Variants in DIS3L2 observed in about 807,000 individuals in gnomAD.
DIS3L2 encodes the protein DIS3 like 3'-5' exoribonuclease 2.
A neutral mutation model predicts 97.5 loss-of-function variants in DIS3L2; 34 were observed. That is an observed-to-expected ratio of 0.35 (90% CI 0.27 to 0.46). The LOEUF (loss-of-function observed/expected upper bound fraction) is 0.46. Ranked by LOEUF, DIS3L2 falls within the 20% of genes least tolerant of loss-of-function variation. The probability of loss-of-function intolerance (pLI) is 1.00; values close to 1 mark genes in which losing one functional copy is unlikely to be tolerated. For synonymous variants in DIS3L2, 435 were observed against 445.2 expected, an observed-to-expected ratio of 0.98 and a Z score of 0.29; for missense variants, 1,038 against 1,146.0, an observed-to-expected ratio of 0.91 and a Z score of 1.36.
At chr2:232,332,122 G>A (rs1328763314) in intron 16 of DIS3L2, among the ~76,000 whole-genome samples, 1 of 80,862 alleles carries the variant, frequency 1.2e-5, no homozygotes, top group African/African-American at 4.8e-5. Flanking sequence ...CATCCCACCC[G>A]ACCCTGAGCC....
chr2:232,127,641 T>C (rs991892517), intron 6 of DIS3L2, among the ~76,000 whole-genome samples: 3 of 152,204 alleles, frequency 2.0e-5, no homozygotes, highest in African/African-American at 7.2e-5. Flanking sequence ...TGGCTTCTTA[T>C]GTTCTGCAAG....
At chr2:231,984,654 A>G (rs1693361160) in intron 1 of DIS3L2, among the ~76,000 whole-genome samples, 1 of 151,790 alleles carries the variant, frequency 6.6e-6, no homozygotes, top group African/African-American at 2.4e-5. Context: ...CGGCTTCCCA[A>G]AGTGCTGGGA....
intron 1 of DIS3L2, among the ~76,000 whole-genome samples, chr2:231,988,838 T>C (rs910931698): frequency 6.6e-6 from 1 of 152,238 alleles, no homozygotes; most frequent in Admixed American, 6.5e-5. Flanking sequence ...GCTAGATTGA[T>C]GTTAATCTCT....
intron 5 of DIS3L2, among the ~76,000 whole-genome samples, chr2:232,051,579 G>A (rs866800878): frequency 6.6e-6 from 1 of 151,844 alleles, no homozygotes; most frequent in East Asian, 1.9e-4. Flanking sequence ...TTGGGAGGCC[G>A]AGGCGGGCGG....
At chr2:232,049,385 T>G (rs1695337298) in intron 5 of DIS3L2, among the ~76,000 whole-genome samples, 2 of 152,178 alleles carry the variant, frequency 1.3e-5, no homozygotes, top group South Asian at 2.1e-4. Context: ...TAATCTCAAA[T>G]GCACCAGCGT....
chr2:232,193,468 C>CA (rs1691669552), intron 9 of DIS3L2, among the ~76,000 whole-genome samples: 1 of 152,192 alleles, frequency 6.6e-6, no homozygotes, highest in African/African-American at 2.4e-5. Context: ...CAGGGTCTAG[C>CA]ATACATTATG....
chr2:232,322,453 G>A (rs140725476), intron 14 of DIS3L2, among the ~76,000 whole-genome samples: 2 of 152,370 alleles, frequency 1.3e-5, no homozygotes, highest in Non-Finnish European at 2.9e-5. Context: ...ATCTCCCTCT[G>A]TCACCTTAGG....
rs1027552871 is a variant in DIS3L2 at position 232,163,359 on chromosome 2, G to A, written c.951-100G>A. 6.6e-6 allele frequency: 8 copies of A among 1,219,184 alleles called. No individual in the cohort carries two copies. In the African/African-American group the frequency reaches 7.5e-5, roughly 11 times the overall value. The allele number at this position is 1,219,184 out of a possible 1,614,324, so 75.5% of individuals were successfully genotyped here. A position where few individuals can be genotyped will look rare whatever the true frequency, so the allele number is the denominator to read the frequency against. On this transcript the variant is annotated intron_variant, in intron 8 of 20. Transcript: ENST00000325385. ...TGTTTCTACTGGTGGAAGGGCAGGA[G>A]ATTTTAAACTTTCCCACTACTTTAC...
At chr2:232,119,953 G>A (rs1244165495) in intron 6 of DIS3L2, among the ~76,000 whole-genome samples, 1 of 152,150 alleles carries the variant, frequency 6.6e-6, no homozygotes, top group African/African-American at 2.4e-5. Flanking sequence ...TATTCCTTGG[G>A]TATCAGCTTC....
chr2:232,175,034 G>T (rs1377828936), intron 9 of DIS3L2, among the ~76,000 whole-genome samples: 2 of 151,926 alleles, frequency 1.3e-5, no homozygotes, highest in African/African-American at 4.8e-5. Flanking sequence ...TTGCTGTGTT[G>T]CCCGGGCTGC....
chr2:232,155,810 G>A (rs1422624813), intron 8 of DIS3L2, among the ~76,000 whole-genome samples: 1 of 152,048 alleles, frequency 6.6e-6, no homozygotes, highest in Non-Finnish European at 1.5e-5. Flanking sequence ...CTAACATGGT[G>A]AAACCCCGTC....
chr2:232,330,884 A>G, intron 16 of DIS3L2, 108 bp downstream of exon 16: 1 of 1,181,672 alleles, frequency 8.5e-7, no homozygotes, highest in South Asian at 1.2e-5. Context: ...CCTGCTCTGG[A>G]CATGGCTGGG....
At chr2:232,136,966 G>A (rs1559667627) in intron 8 of DIS3L2, among the ~76,000 whole-genome samples, 3 of 151,942 alleles carry the variant, frequency 2.0e-5, no homozygotes, top group South Asian at 2.1e-4. Flanking sequence ...TGAACATTCC[G>A]AGCCTCTACT....
chr2:232,201,775 T>C (rs1691900010), intron 9 of DIS3L2, among the ~76,000 whole-genome samples: 1 of 152,132 alleles, frequency 6.6e-6, no homozygotes. Flanking sequence ...GTGACATACT[T>C]CTTGGTAATT....
At chr2:232,343,385 C>T in exon 14 of DIS3L2, 3 of 1,556,354 alleles carry the variant, frequency 1.9e-6, no homozygotes, top group Non-Finnish European at 2.6e-6. Context: ...CTTCAGGCCT[C>T]TCACAGCCCC....
intron 1 of DIS3L2, among the ~76,000 whole-genome samples, chr2:231,986,042 G>A (rs1448347524): frequency 6.6e-6 from 1 of 152,306 alleles, no homozygotes; most frequent in Non-Finnish European, 1.5e-5. Context: ...GCTTCAGTCC[G>A]CTCCTGGTGC....
intron 14 of DIS3L2, among the ~76,000 whole-genome samples, chr2:232,326,215 C>T (rs575736551): frequency 6.6e-6 from 1 of 152,110 alleles, no homozygotes; most frequent in Admixed American, 6.6e-5. Flanking sequence ...TGCTGGCCCA[C>T]CAGGGAATTG....
intron 9 of DIS3L2, among the ~76,000 whole-genome samples, chr2:232,171,696 A>G (rs541899753): frequency 1.3e-5 from 2 of 152,336 alleles, no homozygotes; most frequent in South Asian, 2.1e-4. Context: ...TGGCAGTAGT[A>G]TTCCTTTCAT....
intron 5 of DIS3L2, among the ~76,000 whole-genome samples, chr2:232,044,472 C>T (rs1255413038): frequency 6.6e-6 from 1 of 152,090 alleles, no homozygotes; most frequent in African/African-American, 2.4e-5. Flanking sequence ...GGGATGGTGG[C>T]ACCCTTTGCC....
Sources: gnomAD v4.1 joint callset for allele counts (sites outside exome capture counted in the v4.1 genomes callset) on GRCh38, gnomAD v4.1.1 for gene constraint, MANE v1.5 for transcripts, NCBI Gene and HGNC (gene_info 2026-07-23, HGNC 2026-07-21) for gene names.